GPHN: variants seen among roughly 807,000 people sequenced by gnomAD.
The protein encoded by GPHN is gephyrin.
GPHN carries 17 observed loss-of-function variants against 95.5 expected under a neutral mutation model. The ratio of observed to expected loss-of-function variants is 0.18; its 90% CI spans 0.12 to 0.27. The LOEUF is 0.27. Among genes scored for constraint, GPHN ranks in the 10% least tolerant of loss-of-function variants. The pLI, the probability that GPHN is intolerant of heterozygous loss-of-function variation, is 1.00. For synonymous variants in GPHN, 320 were observed against 322.5 expected (o/e 0.99, Z 0.08); for missense variants, 660 against 978.1 (o/e 0.67, Z 4.34).
the GPHN span, chr14:67,615,814 A>G: frequency 1.7e-6 from 1 of 580,408 alleles, no homozygotes; most frequent in Non-Finnish European, 3.2e-6. Context: ...CGTGTGGCCC[A>G]AAAGTCAAAA....
intron 8 of GPHN, among the ~76,000 whole-genome samples, chr14:66,926,464 C>T (rs997364684): frequency 6.6e-6 from 1 of 152,160 alleles, no homozygotes; most frequent in South Asian, 2.1e-4. Context: ...TAATAATCTG[C>T]ATATGGATAT....
the GPHN span, among the ~76,000 whole-genome samples, chr14:67,508,565 A>C: frequency 6.6e-6 from 1 of 151,696 alleles, no homozygotes. Context: ...CTTAACCCTC[A>C]TTCCTCTTCC....
chr14:66,690,586 A>G (rs1258996440), intron 2 of GPHN, among the ~76,000 whole-genome samples: 1 of 152,220 alleles, frequency 6.6e-6, no homozygotes, highest in East Asian at 1.9e-4. Context: ...CCTCTGTCAC[A>G]TGTTGAGAGT....
the GPHN span, chr14:67,352,949 G>A: frequency 7.4e-6 from 12 of 1,611,856 alleles, no homozygotes; most frequent in East Asian, 2.2e-5. Flanking sequence ...AGGATCTGTC[G>A]AAATCGAAGA....
At chr14:67,165,362 T>A in intron 20 of GPHN, 136 bp downstream of exon 20, 1 of 674,610 alleles carries the variant, frequency 1.5e-6, no homozygotes. Flanking sequence ...ACCAATCACT[T>A]AACCTCTCTA....
chr14:66,896,243 A>G (rs940645335), intron 5 of GPHN, among the ~76,000 whole-genome samples: 8 of 152,192 alleles, frequency 5.3e-5, no homozygotes, highest in African/African-American at 1.9e-4. Context: ...AACGATAAAA[A>G]TAATGTCTCA....
intron 16 of GPHN, among the ~76,000 whole-genome samples, chr14:67,120,994 A>G (rs1286116754): frequency 6.6e-6 from 1 of 152,210 alleles, no homozygotes; most frequent in Non-Finnish European, 1.5e-5. Flanking sequence ...ACATACTATC[A>G]CTAATGAGTC....
the GPHN span, among the ~76,000 whole-genome samples, chr14:67,239,767 T>C: frequency 6.6e-6 from 1 of 151,648 alleles, no homozygotes; most frequent in East Asian, 1.9e-4. Context: ...GAGGGAGGAG[T>C]ATCGCTTGAA....
intron 2 of GPHN, among the ~76,000 whole-genome samples, chr14:66,712,644 A>G (rs1467160259): frequency 1.3e-5 from 2 of 152,168 alleles, no homozygotes; most frequent in Non-Finnish European, 2.9e-5. Flanking sequence ...TAGTTTAATT[A>G]GATCCCATTT....
intron 3 of GPHN, among the ~76,000 whole-genome samples, chr14:66,788,814 G>A (rs1381286095): frequency 6.6e-6 from 1 of 152,000 alleles, no homozygotes; most frequent in East Asian, 1.9e-4. Flanking sequence ...CCGCCACCAG[G>A]CCTGGCTAAT....
chr14:66,728,996 T>A (rs917055667), intron 2 of GPHN, among the ~76,000 whole-genome samples: 2 of 152,098 alleles, frequency 1.3e-5, no homozygotes, highest in Admixed American at 6.5e-5. Context: ...AATAATGGGG[T>A]TGAGTCTTTC....
chr14:66,938,695 C>T lies in GPHN; in HGVS notation c.828+14403C>T, dbSNP rs118186909. Among the ~76,000 whole-genome samples, 848 of 152,296 alleles carry T rather than the reference C, an allele frequency of 5.6e-3. 5 individuals are homozygous for T. Among genetic ancestry groups the T allele is most frequent in the Middle Eastern group, 0.01 (3 of 294 alleles). Reference sequence around the variant, plus strand: ...CTTTCCATGAAGCTTTTGAAACTATCTCTGTTGAACACACAAACTCTGGCC... The same window carrying T: ...CTTTCCATGAAGCTTTTGAAACTATTTCTGTTGAACACACAAACTCTGGCC... On this transcript the variant is annotated intron_variant, in intron 8 of 22. Transcript: ENST00000478722.
intron 1 of GPHN, among the ~76,000 whole-genome samples, chr14:66,620,296 T>C (rs1679449240): frequency 6.6e-6 from 1 of 152,102 alleles, no homozygotes; most frequent in East Asian, 1.9e-4. Flanking sequence ...TAAACTAATG[T>C]ATTAGTCCAT....
intron 5 of GPHN, among the ~76,000 whole-genome samples, chr14:66,890,410 CAAAA>C (rs781415190): frequency 1.1e-4 from 9 of 80,008 alleles, no homozygotes; most frequent in East Asian, 6.0e-4. Context: ...GACCCTGTCT[CAAAA>C]AAAAAAAAAA....
At chr14:67,136,843 A>T (rs928236054) in intron 17 of GPHN, among the ~76,000 whole-genome samples, 1 of 152,198 alleles carries the variant, frequency 6.6e-6, no homozygotes, top group African/African-American at 2.4e-5. Context: ...TTAATTATTC[A>T]AATGAAAATG....
intron 17 of GPHN, among the ~76,000 whole-genome samples, chr14:67,138,289 A>G (rs149026439): frequency 1.3e-5 from 2 of 152,262 alleles, no homozygotes; most frequent in Non-Finnish European, 2.9e-5. Context: ...GTCATTAATT[A>G]TATTTCTTGG....
Position 67,098,315 on chromosome 14 carries a change from A to G in GPHN, c.1238-2541A>G, listed in dbSNP as rs541246009. Reference sequence around the variant, plus strand: ...CACTCAGTAGACATTTACTGAATGAATAAAAGGAATAAAGAGCTTCAAAGG... The same window carrying G: ...CACTCAGTAGACATTTACTGAATGAGTAAAAGGAATAAAGAGCTTCAAAGG... On this transcript the variant is annotated intron_variant, in intron 12 of 22. Transcript: ENST00000478722. 2.6e-5 allele frequency among the ~76,000 whole-genome samples: 4 copies of G among 152,314 alleles called. No homozygotes were observed. The South Asian group carries it at 8.3e-4, about 32-fold the overall frequency.
chr14:67,526,777 G>A, the GPHN span, among the ~76,000 whole-genome samples: 1 of 152,076 alleles, frequency 6.6e-6, no homozygotes, highest in African/African-American at 2.4e-5. Context: ...AGATGGTGCT[G>A]AGAGATAGTC....
rs1027639317 is a variant in GPHN at position 66,569,671 on chromosome 14, A to C, written c.64+61080A>C. Among the ~76,000 whole-genome samples the C allele has an allele frequency of 2.0e-5, 3 of 152,064 alleles. No individual in the cohort carries two copies. In the South Asian group the frequency reaches 6.2e-4, roughly 32 times the overall value. On this transcript the variant is annotated intron_variant, in intron 1 of 22. Coordinates refer to ENST00000478722, the MANE Select transcript of GPHN (RefSeq NM_020806.5). ...GAGCAAGACTATCTCAAAAAAAAAA[A>C]AATTAAATTTTTGTTTGACAAAATT...
Sources: allele counts gnomAD v4.1 joint callset (sites outside exome capture counted in the v4.1 genomes callset), GRCh38; gene constraint gnomAD v4.1.1; transcripts MANE v1.5; gene names NCBI Gene and HGNC (gene_info 2026-07-23, HGNC 2026-07-21).